Variants in SLC35F1 observed in about 807,000 individuals in gnomAD.
SLC35F1 encodes the protein solute carrier family 35 member F1.
In SLC35F1, 14 loss-of-function variants were observed where a neutral mutation model predicts 48.7. The observed-to-expected ratio is 0.29, with a 90% CI of 0.19 to 0.45. SLC35F1 has a LOEUF of 0.45. SLC35F1 is among the 20% of genes least tolerant of loss of function. The pLI is 1.00. For synonymous variants in SLC35F1, 190 were observed against 202.2 expected, an observed-to-expected ratio of 0.94 and a Z score of 0.51; for missense variants, 404 against 500.0, an observed-to-expected ratio of 0.81 and a Z score of 1.83.
intron 7 of SLC35F1, among the ~76,000 whole-genome samples, 156 bp downstream of exon 7, chr6:118,285,494 G>A (rs573744690): frequency 6.6e-6 from 1 of 152,178 alleles, no homozygotes; most frequent in Non-Finnish European, 1.5e-5. Context: ...TCACATTTCA[G>A]CTATAAGACA....
chr6:117,949,165 A>G (rs1365917912), intron 1 of SLC35F1, among the ~76,000 whole-genome samples: 1 of 152,136 alleles, frequency 6.6e-6, no homozygotes, highest in African/African-American at 2.4e-5. Flanking sequence ...TGGTTTTTCA[A>G]AGTCTTATAC....
chr6:118,303,278 G>T (rs911718355), intron 7 of SLC35F1, among the ~76,000 whole-genome samples: 1 of 152,214 alleles, frequency 6.6e-6, no homozygotes, highest in Non-Finnish European at 1.5e-5. Context: ...TCCATTAAGG[G>T]TGTTCCAACA....
At chr6:118,263,504 T>C (rs1937757685) in intron 3 of SLC35F1, among the ~76,000 whole-genome samples, 1 of 152,336 alleles carries the variant, frequency 6.6e-6, no homozygotes, top group Admixed American at 6.5e-5. Flanking sequence ...ACTTCACTTT[T>C]CCATTAAAGT....
intron 1 of SLC35F1, among the ~76,000 whole-genome samples, chr6:118,086,945 A>G (rs558445251): frequency 1.3e-5 from 2 of 152,272 alleles, no homozygotes; most frequent in East Asian, 3.9e-4. Flanking sequence ...CATCTCTGCT[A>G]TCTTTAAAAG....
rs184263010 is a variant in SLC35F1 at position 118,268,049 on chromosome 6, G to A, written c.637+895G>A. ...GATGATAAAGAGTCAAAAGTGGACC[G>A]TTTCTCTTTATGAGACAAGGTCACG... On this transcript the variant is annotated intron_variant, in intron 4 of 7. Coordinates refer to ENST00000360388, the MANE Select transcript of SLC35F1 (RefSeq NM_001029858.4). Among the ~76,000 whole-genome samples, 40 of 152,234 alleles carry A rather than the reference G, an allele frequency of 2.6e-4. No individual in the cohort carries two copies. In the East Asian group the frequency reaches 5.2e-3, roughly 20 times the overall value.
chr6:117,912,662 G>T (rs950100914), intron 1 of SLC35F1, among the ~76,000 whole-genome samples: 2 of 124,616 alleles, frequency 1.6e-5, no homozygotes, highest in African/African-American at 2.5e-5. Flanking sequence ...ATTAAAAACA[G>T]ACTTTTCTAA....
At position 117,907,831 on chromosome 6, in the gene SLC35F1, C is replaced by T. The variant is rs780034018; in HGVS notation, c.105C>T (p.Gly35=). 3 of 1,539,366 alleles carry T rather than the reference C, an allele frequency of 1.9e-6. No homozygotes were observed. The highest frequency in any genetic ancestry group is 2.6e-5 in the East Asian group (1 of 37,800). ...TIENLPAEGS[G]GGGSLSASSR... ...AGAACCTGCCGGCCGAGGGCAGCGG[C>T]GGCGGCGGGAGCCTGTCCGCCTCCT... The change falls in exon 1 of 8, where the codon GGC becomes GGT. Residue 35 remains glycine (G), a synonymous_variant. Coordinates refer to ENST00000360388, the MANE Select transcript of SLC35F1 (RefSeq NM_001029858.4).
rs945613577 is a variant in SLC35F1 at position 118,216,305 on chromosome 6, C to T, written c.350-19204C>T. Among the ~76,000 whole-genome samples the T allele has an allele frequency of 7.9e-5, 12 of 151,234 alleles. No individual in the cohort carries two copies. The South Asian group carries it at 1.5e-3, about 18-fold the overall frequency. On this transcript the variant is annotated intron_variant, in intron 2 of 7. Coordinates refer to ENST00000360388, the MANE Select transcript of SLC35F1 (RefSeq NM_001029858.4). The stretch of plus-strand genomic sequence containing the variant: ...CTATGTTGCCCAGGCTGATCTCAAA[C>T]TCCTGGCTTCAAAAGTGCTGGGATT...
At chr6:118,142,060 G>A (rs1393553843) in intron 1 of SLC35F1, among the ~76,000 whole-genome samples, 2 of 152,126 alleles carry the variant, frequency 1.3e-5, no homozygotes, top group African/African-American at 2.4e-5. Context: ...CATAGAATAT[G>A]AATTTAATGA....
intron 1 of SLC35F1, among the ~76,000 whole-genome samples, chr6:118,053,424 A>G (rs1222346022): frequency 6.6e-6 from 1 of 152,160 alleles, no homozygotes; most frequent in African/African-American, 2.4e-5. Flanking sequence ...GAGGAAAAAA[A>G]TCTTATCTCC....
At chr6:118,001,605 C>A (rs1362451232) in intron 1 of SLC35F1, among the ~76,000 whole-genome samples, 1 of 151,804 alleles carries the variant, frequency 6.6e-6, no homozygotes, top group Non-Finnish European at 1.5e-5. Flanking sequence ...CAAATGGGAT[C>A]TAATTAAACT....
intron 1 of SLC35F1, among the ~76,000 whole-genome samples, chr6:118,101,806 T>C (rs1460053561): frequency 6.6e-6 from 1 of 152,252 alleles, no homozygotes; most frequent in Non-Finnish European, 1.5e-5. Flanking sequence ...TATTAAAATA[T>C]GTGCATTACA....
intron 1 of SLC35F1, among the ~76,000 whole-genome samples, chr6:117,933,442 A>G (rs560320703): frequency 2.0e-5 from 3 of 152,336 alleles, no homozygotes; most frequent in African/African-American, 4.8e-5. Flanking sequence ...AATATTTCTG[A>G]GTAAACATAG....
intron 1 of SLC35F1, among the ~76,000 whole-genome samples, chr6:118,064,105 A>G (rs1041542831): frequency 6.6e-6 from 1 of 152,170 alleles, no homozygotes; most frequent in Non-Finnish European, 1.5e-5. Context: ...AGCAAGTCAC[A>G]TCTTACATGG....
chr6:118,003,178 A>T (rs1582613026), intron 1 of SLC35F1, among the ~76,000 whole-genome samples: 1 of 152,236 alleles, frequency 6.6e-6, no homozygotes, highest in Non-Finnish European at 1.5e-5. Context: ...ATAGTTCAGG[A>T]TATGTGGGCT....
chr6:118,250,443 A>G (rs17079889), intron 3 of SLC35F1, among the ~76,000 whole-genome samples: 5,969 of 152,308 alleles, frequency 0.039, 408 homozygotes, highest in African/African-American at 0.13. Flanking sequence ...CCCTAGCTGC[A>G]GAAGATAAAA....
intron 1 of SLC35F1, among the ~76,000 whole-genome samples, chr6:118,062,965 T>G (rs1322356241): frequency 6.6e-6 from 1 of 152,134 alleles, no homozygotes; most frequent in Non-Finnish European, 1.5e-5. Context: ...ATTTATCTCC[T>G]AATACTGGAA....
intron 4 of SLC35F1, among the ~76,000 whole-genome samples, chr6:118,274,952 C>T (rs1281613352): frequency 6.6e-6 from 1 of 152,140 alleles, no homozygotes; most frequent in Non-Finnish European, 1.5e-5. Flanking sequence ...TGTTCTATGC[C>T]ATGTTCACTA....
intron 1 of SLC35F1, among the ~76,000 whole-genome samples, chr6:117,926,565 T>C (rs2114808450): frequency 6.6e-6 from 1 of 152,114 alleles, no homozygotes; most frequent in East Asian, 1.9e-4. Flanking sequence ...GTGGGGGTTA[T>C]AGAGAATAGA....
Sources: allele counts gnomAD v4.1 joint callset (sites outside exome capture counted in the v4.1 genomes callset), GRCh38; gene constraint gnomAD v4.1.1; transcripts MANE v1.5; gene names NCBI Gene and HGNC (gene_info 2026-07-23, HGNC 2026-07-21).